Variants in C10orf105 observed in about 807,000 individuals in gnomAD.
C10orf105 encodes chromosome 10 open reading frame 105.
Under a neutral mutation model 0.6 loss-of-function variants are expected in C10orf105, and 2 were observed. The ratio of observed to expected loss-of-function variants is 3.18; its 90% CI spans 1.30 to 10.01. The LOEUF is 10.01. Among genes scored for constraint, C10orf105 ranks in the 30% most tolerant of loss-of-function variants. The probability of loss-of-function intolerance (pLI) is 0.04; values close to 1 mark genes in which losing one functional copy is unlikely to be tolerated. For missense variants in C10orf105, 209 were observed against 191.4 expected, an observed-to-expected ratio of 1.09 and a Z score of -0.54; for synonymous variants, 95 against 82.4, an observed-to-expected ratio of 1.15 and a Z score of -0.83.
At chr10:71,725,506 C>A in intron 1 of C10orf105, 1 of 1,613,310 alleles carries the variant, frequency 6.2e-7, no homozygotes, top group Non-Finnish European at 8.5e-7. Context: ...GGGCCCCATG[C>A]GGAGCTCCGT....
At chr10:71,730,923 G>C (rs758744555) in intron 1 of C10orf105, among the ~76,000 whole-genome samples, 9 of 152,364 alleles carry the variant, frequency 5.9e-5, no homozygotes, top group Non-Finnish European at 1.3e-4. Context: ...AGAGCTGGGA[G>C]GGGTAAAGAG....
chr10:71,725,586 A>G, intron 1 of C10orf105: 2 of 1,544,016 alleles, frequency 1.3e-6, no homozygotes, highest in Admixed American at 1.9e-5. Context: ...TAGAACAGAG[A>G]AGGCCATTAG....
chr10:71,737,757 C>T (rs1237264152), exon 1 of C10orf105: 3 of 469,796 alleles, frequency 6.4e-6, no homozygotes, highest in Non-Finnish European at 1.3e-5. Context: ...GGCCTGTGGC[C>T]GTCCGTGGAC....
intron 1 of C10orf105, among the ~76,000 whole-genome samples, chr10:71,729,524 G>T (rs1839282197): frequency 6.6e-6 from 1 of 152,218 alleles, no homozygotes; most frequent in African/African-American, 2.4e-5. Context: ...GGGGACGGAA[G>T]TTCCCAGGCA....
Position 71,713,372 on chromosome 10 carries a change from G to C in C10orf105, c.*2564C>G. 1.4e-6 allele frequency: 1 copy of C among 737,828 alleles called. No individual in the cohort carries two copies. Among genetic ancestry groups the C allele is most frequent in the South Asian group, 1.4e-5 (1 of 69,534 alleles). The allele number at this position is 737,828 out of a possible 1,614,324, so 45.7% of individuals were successfully genotyped here. ...TGCCCAGAGGCCTCAGTTGCTGGGT[G>C]GGGAGGGAGGCCCGGAGTGAATGAG... On this transcript the variant is annotated 3_prime_UTR_variant, in exon 2 of 2. Coordinates refer to ENST00000441508, the MANE Select transcript of C10orf105 (RefSeq NM_001164375.3).
At chr10:71,729,407 C>T (rs1470692777) in intron 1 of C10orf105, among the ~76,000 whole-genome samples, 3 of 152,202 alleles carry the variant, frequency 2.0e-5, no homozygotes, top group African/African-American at 4.8e-5. Flanking sequence ...GCTAGGCCTC[C>T]GTCCCCCAGG....
rs367771516 is a variant in C10orf105, at chr10:71,732,315, C to T, written c.-6+5413G>A. The T allele has an allele frequency of 2.7e-5, 44 of 1,604,952 alleles. No homozygotes were observed. The highest frequency in any genetic ancestry group is 3.7e-5 in the Non-Finnish European group (44 of 1,175,502). On this transcript the variant is annotated intron_variant, in intron 1 of 1. Transcript: ENST00000398786. ...TCGACAACCTCAACCAAATCACGTACCGCTTCAACGCCTACACCAGCACCC... is the reference window on the plus strand; with the variant it reads ...TCGACAACCTCAACCAAATCACGTATCGCTTCAACGCCTACACCAGCACCC...
At position 71,713,516 on chromosome 10, in the gene C10orf105, G is replaced by GCT; in HGVS notation, c.*2418_*2419dup. 3.7e-6 allele frequency: 2 copies of GCT among 539,098 alleles called. No homozygotes were observed. The highest frequency in any genetic ancestry group is 3.3e-6 in the Non-Finnish European group (1 of 301,818). The allele number at this position is 539,098 out of a possible 1,614,324, so 33.4% of individuals were successfully genotyped here. A position where few individuals can be genotyped will look rare whatever the true frequency, so the allele number is the denominator to read the frequency against. On this transcript the variant is annotated 3_prime_UTR_variant, in exon 2 of 2. Transcript: ENST00000441508. ...GACAGAAGCGTGGGAGGCTGGCAAT[G>GCT]CTCCCCTCCCTGCATCGGGACCAGG... is the stretch of plus-strand genomic sequence containing the variant.
intron 1 of C10orf105, among the ~76,000 whole-genome samples, chr10:71,719,194 C>T (rs536151966): frequency 3.9e-5 from 6 of 152,324 alleles, no homozygotes; most frequent in African/African-American, 9.6e-5. Flanking sequence ...TCCTGGAGCA[C>T]GAGGCAAGTC....
In C10orf105 at chr10:71,712,442, A is replaced by T. The variant is rs1265220309; in HGVS notation, c.*3494T>A. 1.7e-5 allele frequency: 9 copies of T among 539,846 alleles called. No individual in the cohort carries two copies. The highest frequency in any genetic ancestry group is 1.5e-4 in the African/African-American group (8 of 52,868). 33.4% of individuals were successfully genotyped at this position (539,846 alleles called of 1,614,324 possible). On this transcript the variant is annotated 3_prime_UTR_variant, in exon 2 of 2. Coordinates refer to ENST00000441508, the MANE Select transcript of C10orf105 (RefSeq NM_001164375.3). ...TCTGCTTCATGGGGTTGCTGTGAGG[A>T]CTGAATGGGTTAGAAGAATGGCTGG...
chr10:71,729,975 C>T (rs1839308410), intron 1 of C10orf105, among the ~76,000 whole-genome samples: 1 of 151,990 alleles, frequency 6.6e-6, no homozygotes, highest in African/African-American at 2.4e-5. Flanking sequence ...GCTGGGACTA[C>T]AGGCGCCCGC....
rs779177503 is a variant in C10orf105 at position 71,713,349 on chromosome 10, C to T, written c.*2587G>A. On this transcript the variant is annotated 3_prime_UTR_variant, in exon 2 of 2. Coordinates refer to ENST00000441508, the MANE Select transcript of C10orf105 (RefSeq NM_001164375.3). Reference sequence around the variant, plus strand: ...ATTTGGGTGTGCACCCACACCTCTGCCCAGAGGCCTCAGTTGCTGGGTGGG... The same window carrying T: ...ATTTGGGTGTGCACCCACACCTCTGTCCAGAGGCCTCAGTTGCTGGGTGGG... 7 of 763,302 alleles carry T rather than the reference C, an allele frequency of 9.2e-6. No individual in the cohort carries two copies. The highest frequency in any genetic ancestry group is 1.7e-5 in the Non-Finnish European group (7 of 410,140). The allele number at this position is 763,302 out of a possible 1,614,324, so 47.3% of individuals were successfully genotyped here. A position where few individuals can be genotyped will look rare whatever the true frequency, so the allele number is the denominator to read the frequency against.
upstream of C10orf105, among the ~76,000 whole-genome samples, chr10:71,723,531 A>G (rs1210662951): frequency 1.3e-5 from 2 of 152,218 alleles, no homozygotes; most frequent in Non-Finnish European, 2.9e-5. Context: ...GCATGGAGCC[A>G]TTGTGTGGGA....
At chr10:71,734,250 C>T in intron 1 of C10orf105, 1 of 1,610,272 alleles carries the variant, frequency 6.2e-7, no homozygotes. Flanking sequence ...GGTGTGATCA[C>T]AGTCCAGGGC....
chr10:71,730,433 C>A, intron 1 of C10orf105: 3 of 1,608,818 alleles, frequency 1.9e-6, no homozygotes, highest in East Asian at 2.2e-5. Flanking sequence ...GCCTCCACCC[C>A]ACCCTGACCT....
chr10:71,732,339 C>G lies in C10orf105; in HGVS notation c.-6+5389G>C, dbSNP rs143136329. The G allele has an allele frequency of 1.4e-3, 2,217 of 1,582,674 alleles. 17 individuals are homozygous for G. The African/African-American group carries it at 0.016, about 11-fold the overall frequency. On this transcript the variant is annotated intron_variant, in intron 1 of 1. Transcript: ENST00000398786. ...ACCGCTTCAACGCCTACACCAGCACCCAGGCCAAAGCCCTCTTCAAGATAG... is the reference window on the plus strand; with the variant it reads ...ACCGCTTCAACGCCTACACCAGCACGCAGGCCAAAGCCCTCTTCAAGATAG...
rs1421796009 is a variant in C10orf105 at position 71,715,500 on chromosome 10, C to A, written c.*436G>T. 6.4e-6 allele frequency: 1 copy of A among 156,040 alleles called. No individual in the cohort carries two copies. The highest frequency in any genetic ancestry group is 1.4e-5 in the Non-Finnish European group (1 of 70,742). 9.7% of individuals were successfully genotyped at this position (156,040 alleles called of 1,614,324 possible). A position where few individuals can be genotyped will look rare whatever the true frequency, so the allele number is the denominator to read the frequency against. Reference sequence around the variant, plus strand: ...AGATGCCAGGACAGTGTCTTGGCCCCGGTGTAGGCTGAGCATTTCACTTGA... The same window carrying A: ...AGATGCCAGGACAGTGTCTTGGCCCAGGTGTAGGCTGAGCATTTCACTTGA... On this transcript the variant is annotated 3_prime_UTR_variant, in exon 2 of 2. Coordinates refer to ENST00000441508, the MANE Select transcript of C10orf105 (RefSeq NM_001164375.3).
At chr10:71,716,445 T>C in intron 1 of C10orf105, 103 bp from the exon 2 acceptor site, 1 of 898,080 alleles carries the variant, frequency 1.1e-6, no homozygotes, top group Non-Finnish European at 1.7e-6. Flanking sequence ...GGCAAGGCAC[T>C]GTTAAACTGG....
Position 71,716,264 on chromosome 10 carries a change from G to C in C10orf105, c.74C>G (p.Thr25Ser). The C allele has an allele frequency of 6.5e-7, 1 of 1,543,260 alleles. No individual in the cohort carries two copies. The change falls in exon 2 of 2, where the codon ACT (threonine) becomes AGT (serine). Residue 25 changes from threonine to serine, a missense_variant. Coordinates refer to ENST00000441508, the MANE Select transcript of C10orf105 (RefSeq NM_001164375.3). ...AGTTGCCTCTGCAAGGGTCCCGGGA[G>C]TGACGGGAGCTGAGAGAAAGGCGAG... is the stretch of plus-strand genomic sequence containing the variant. ...SPLAFLSAPV[T>S]PGTLAEATDP...
Sources: gnomAD v4.1 joint callset for allele counts (sites outside exome capture counted in the v4.1 genomes callset) on GRCh38, gnomAD v4.1.1 for gene constraint, MANE v1.5 for transcripts, NCBI Gene and HGNC (gene_info 2026-07-23, HGNC 2026-07-21) for gene names.